Variants in YES1 observed in about 807,000 individuals in gnomAD.
The protein encoded by YES1 is tyrosine-protein kinase Yes.
In YES1, 39 loss-of-function variants were observed where a neutral mutation model predicts 70.4. The observed-to-expected ratio is 0.55, with a 90% CI of 0.43 to 0.72. The LOEUF (loss-of-function observed/expected upper bound fraction) is 0.72, where lower values mean the gene tolerates loss of function less well. YES1 is among the 30% of genes least tolerant of loss of function. The probability of loss-of-function intolerance (pLI) is 0.00; values close to 1 mark genes in which losing one functional copy is unlikely to be tolerated. For synonymous variants in YES1, 198 were observed against 218.6 expected (o/e 0.91, Z 0.83); for missense variants, 495 against 644.8 (o/e 0.77, Z 2.52).
intron 6 of YES1, among the ~76,000 whole-genome samples, chr18:744,966 T>C (rs1233516087): frequency 6.6e-6 from 1 of 152,104 alleles, no homozygotes; most frequent in Non-Finnish European, 1.5e-5. Context: ...AATAACCACA[T>C]AAATTCACAT....
intron 1 of YES1, among the ~76,000 whole-genome samples, chr18:766,803 A>T (rs1904932252): frequency 6.6e-6 from 1 of 152,024 alleles, no homozygotes; most frequent in Non-Finnish European, 1.5e-5. Context: ...TCTTTCTGTT[A>T]TGTTCTGGAA....
chr18:729,039 CA>C (rs1456870217), intron 11 of YES1, among the ~76,000 whole-genome samples: 1 of 152,148 alleles, frequency 6.6e-6, no homozygotes, highest in Non-Finnish European at 1.5e-5. Context: ...GTTACTGTTT[CA>C]TTTTTTTCTC....
chr18:797,845 A>C (rs969629459), intron 1 of YES1: 11 of 152,224 alleles, frequency 7.2e-5, no homozygotes, highest in African/African-American at 2.4e-4. Context: ...GAAGTATCAG[A>C]AATACCTTTC....
chr18:787,076 CTGTCTTTTTTTTTTTTT>C (rs1905991052), intron 1 of YES1, among the ~76,000 whole-genome samples: 1 of 93,054 alleles, frequency 1.1e-5, no homozygotes, highest in African/African-American at 4.1e-5. Context: ...GTGATACATA[CTGTCTTTTTTTTTTTTT>C]TTTTTTTTTT....
chr18:769,176 T>A (rs1329313370), intron 1 of YES1, among the ~76,000 whole-genome samples: 2 of 152,226 alleles, frequency 1.3e-5, no homozygotes, highest in Non-Finnish European at 2.9e-5. Flanking sequence ...CACTGCATGA[T>A]GTTCACACAA....
chr18:786,567 A>G (rs1418120390), intron 1 of YES1, among the ~76,000 whole-genome samples: 1 of 151,512 alleles, frequency 6.6e-6, no homozygotes, highest in Non-Finnish European at 1.5e-5. Flanking sequence ...TGAATTCCAT[A>G]TTTATGAATT....
intron 11 of YES1, among the ~76,000 whole-genome samples, chr18:729,093 GC>G (rs950669969): frequency 4.6e-5 from 7 of 151,922 alleles, no homozygotes; most frequent in African/African-American, 1.7e-4. Flanking sequence ...TTTTCACTAT[GC>G]CCCACTGGTT....
chr18:769,308 C>T (rs534030920), intron 1 of YES1, among the ~76,000 whole-genome samples: 4 of 152,288 alleles, frequency 2.6e-5, no homozygotes, highest in African/African-American at 9.6e-5. Flanking sequence ...CTGTACTAAA[C>T]TCTTATGATT....
rs187786537 is a variant in YES1 at position 757,193 on chromosome 18, C to T, written c.-8-358G>A. On this transcript the variant is annotated intron_variant, in intron 1 of 11. Coordinates refer to ENST00000314574, the MANE Select transcript of YES1 (RefSeq NM_005433.4). ...GATTTCAGGGTATGTTGCTTAACCTCTATGCACTCCAGTTACTTGAAAAAG... is the reference window on the plus strand; with the variant it reads ...GATTTCAGGGTATGTTGCTTAACCTTTATGCACTCCAGTTACTTGAAAAAG... Among the ~76,000 whole-genome samples, 137 of 152,318 alleles carry T rather than the reference C, an allele frequency of 9.0e-4. 2 individuals carry two copies. The highest frequency in any genetic ancestry group is 3.2e-3 in the African/African-American group (132 of 41,568).
chr18:739,706 C>A, intron 9 of YES1, 29 bp downstream of exon 9: 1 of 1,506,350 alleles, frequency 6.6e-7, no homozygotes, highest in South Asian at 1.2e-5. Flanking sequence ...ACTTTTAATT[C>A]AAATGGATAC....
At chr18:739,859 T>C (rs536568819) in intron 8 of YES1, 48 bp from the exon 9 acceptor site, 6 of 1,463,462 alleles carry the variant, frequency 4.1e-6, no homozygotes, top group East Asian at 4.6e-5. Flanking sequence ...AATCTTATAT[T>C]AGGATTGAAA....
At chr18:772,221 G>T (rs557682043) in intron 1 of YES1, among the ~76,000 whole-genome samples, 24 of 151,798 alleles carry the variant, frequency 1.6e-4, no homozygotes, top group African/African-American at 5.6e-4. Context: ...TACAGACAGC[G>T]TTTCTCCATG....
chr18:763,788 A>T (rs574195031), intron 1 of YES1, among the ~76,000 whole-genome samples: 10 of 151,936 alleles, frequency 6.6e-5, no homozygotes, highest in Non-Finnish European at 1.3e-4. Flanking sequence ...TAAGTATAAT[A>T]ATCAAGGTTG....
At chr18:745,006 C>T (rs188031497) in intron 6 of YES1, among the ~76,000 whole-genome samples, 154 of 152,212 alleles carry the variant, frequency 1.0e-3, no homozygotes, top group Non-Finnish European at 1.9e-3. Context: ...AGTGATGCCA[C>T]TGCTTGGTAA....
chr18:770,180 G>T (rs1360489093), intron 1 of YES1, among the ~76,000 whole-genome samples: 1 of 151,530 alleles, frequency 6.6e-6, no homozygotes, highest in South Asian at 2.1e-4. Flanking sequence ...GGATTGTCTT[G>T]ATCTCCTGAC....
intron 2 of YES1, among the ~76,000 whole-genome samples, chr18:756,057 G>A (rs1192436376): frequency 2.0e-5 from 3 of 152,060 alleles, no homozygotes; most frequent in African/African-American, 7.2e-5. Context: ...TCTGTGACTT[G>A]GGGGAAAATT....
intron 10 of YES1, among the ~76,000 whole-genome samples, chr18:734,800 T>G (rs192460521): frequency 1.3e-5 from 2 of 152,100 alleles, no homozygotes. Flanking sequence ...TGGAAACTCC[T>G]TAAAGAACGA....
intron 10 of YES1, among the ~76,000 whole-genome samples, chr18:733,919 T>C (rs538737508): frequency 3.3e-5 from 5 of 152,278 alleles, no homozygotes; most frequent in African/African-American, 1.2e-4. Flanking sequence ...AAAACAGAGT[T>C]CTTTAGATAT....
chr18:790,905 G>A (rs746722267), intron 1 of YES1, among the ~76,000 whole-genome samples: 8 of 152,096 alleles, frequency 5.3e-5, no homozygotes, highest in Admixed American at 2.6e-4. Context: ...AACTGTTACC[G>A]AGGTTTCTCA....
Sources: gnomAD v4.1 joint callset for allele counts (sites outside exome capture counted in the v4.1 genomes callset) on GRCh38, gnomAD v4.1.1 for gene constraint, MANE v1.5 for transcripts, NCBI Gene and HGNC (gene_info 2026-07-23, HGNC 2026-07-21) for gene names.